Variants in RBFOX3 observed in about 807,000 individuals in gnomAD.
RBFOX3 encodes RNA binding fox-1 homolog 3, also known as RNA binding protein fox-1 homolog 3.
In RBFOX3, 17 loss-of-function variants were observed where a neutral mutation model predicts 48.7. The observed-to-expected ratio is 0.35, with a 90% CI of 0.24 to 0.52. The LOEUF (loss-of-function observed/expected upper bound fraction) is 0.52, where lower values mean the gene tolerates loss of function less well. Among genes scored for constraint, RBFOX3 ranks in the 20% least tolerant of loss-of-function variants. The pLI is 0.94. For missense variants in RBFOX3, 382 were observed against 497.5 expected (o/e 0.77, Z 2.21); for synonymous variants, 212 against 209.5 (o/e 1.01, Z -0.10).
At chr17:79,296,041 A>G (rs1432579755) in intron 3 of RBFOX3, among the ~76,000 whole-genome samples, 1 of 143,986 alleles carries the variant, frequency 6.9e-6, no homozygotes, top group Admixed American at 6.9e-5. Flanking sequence ...GGCTTGGGGG[A>G]GGGGTGTCAA....
chr17:79,159,314 C>T (rs2145223432), intron 4 of RBFOX3, among the ~76,000 whole-genome samples: 1 of 152,250 alleles, frequency 6.6e-6, no homozygotes, highest in East Asian at 1.9e-4. Flanking sequence ...CCGGGCGGTT[C>T]CTCCTCACAG....
intron 1 of RBFOX3, among the ~76,000 whole-genome samples, chr17:79,531,705 T>C (rs2087804402): frequency 6.6e-6 from 1 of 152,320 alleles, no homozygotes; most frequent in Admixed American, 6.5e-5. Context: ...AAGCCCTTTT[T>C]GGCAGCAAAC....
At chr17:79,292,942 T>C (rs1419794559) in intron 3 of RBFOX3, among the ~76,000 whole-genome samples, 1 of 152,118 alleles carries the variant, frequency 6.6e-6, no homozygotes, top group East Asian at 1.9e-4. Context: ...TTTGCTTTGG[T>C]TTTATGGGGT....
chr17:79,140,497 C>T (rs757117329), intron 4 of RBFOX3, among the ~76,000 whole-genome samples: 6 of 152,204 alleles, frequency 3.9e-5, no homozygotes, highest in Admixed American at 2.0e-4. Context: ...AGGCTGGCAC[C>T]GGCACCCACA....
At chr17:79,347,034 T>C (rs2083036939) in intron 2 of RBFOX3, among the ~76,000 whole-genome samples, 1 of 152,244 alleles carries the variant, frequency 6.6e-6, no homozygotes, top group Non-Finnish European at 1.5e-5. Flanking sequence ...TCCTTACACA[T>C]CTAGCTTCTT....
intron 3 of RBFOX3, among the ~76,000 whole-genome samples, chr17:79,291,913 G>C (rs185553840): frequency 6.6e-6 from 1 of 152,108 alleles, no homozygotes; most frequent in South Asian, 2.1e-4. Context: ...CTTCACCACG[G>C]AGCTGAACCT....
chr17:79,144,930 C>G (rs190322264), intron 4 of RBFOX3, among the ~76,000 whole-genome samples: 2 of 152,192 alleles, frequency 1.3e-5, no homozygotes, highest in African/African-American at 2.4e-5. Flanking sequence ...CACCAGGTTC[C>G]GAGTCCAAAG....
chr17:79,592,184 T>C (rs1300663891), intron 1 of RBFOX3, among the ~76,000 whole-genome samples: 2 of 149,532 alleles, frequency 1.3e-5, no homozygotes, highest in African/African-American at 5.0e-5. Context: ...TGTGGAGTAC[T>C]GTCGTCGTAT....
intron 2 of RBFOX3, among the ~76,000 whole-genome samples, chr17:79,476,413 A>G (rs1201886851): frequency 1.4e-4 from 21 of 152,376 alleles, no homozygotes; most frequent in African/African-American, 4.3e-4. Context: ...AAGCAGTTTT[A>G]TCCTTCAGCC....
intron 2 of RBFOX3, among the ~76,000 whole-genome samples, chr17:79,476,180 C>G (rs1425481442): frequency 3.9e-5 from 6 of 152,342 alleles, no homozygotes; most frequent in Admixed American, 3.9e-4. Context: ...AGCGCTGGAA[C>G]TACATCTGGA....
intron 4 of RBFOX3, among the ~76,000 whole-genome samples, chr17:79,180,724 C>T (rs1198360095): frequency 6.6e-6 from 1 of 152,148 alleles, no homozygotes; most frequent in Admixed American, 6.5e-5. Flanking sequence ...TAAAAACATA[C>T]ACCCACAAAT....
At chr17:79,649,570 A>T in the RBFOX3 span, among the ~76,000 whole-genome samples, 1 of 152,196 alleles carries the variant, frequency 6.6e-6, no homozygotes, top group Non-Finnish European at 1.5e-5. Flanking sequence ...GCCAGGCATG[A>T]TGGCGGAGGC....
chr17:79,426,515 G>A (rs1425665949), intron 2 of RBFOX3, among the ~76,000 whole-genome samples: 4 of 152,128 alleles, frequency 2.6e-5, no homozygotes, highest in African/African-American at 9.7e-5. Flanking sequence ...GATGGGGCAG[G>A]CACCTATCAT....
At chr17:79,279,251 C>T (rs2069670471) in intron 3 of RBFOX3, among the ~76,000 whole-genome samples, 2 of 152,252 alleles carry the variant, frequency 1.3e-5, no homozygotes, top group East Asian at 1.9e-4. Flanking sequence ...GTCTCTGCTT[C>T]TCTAGGTTGG....
Position 79,392,142 on chromosome 17 carries a change from G to A in RBFOX3, c.-174-84318C>T, listed in dbSNP as rs1195553497. Among the ~76,000 whole-genome samples, 2 of 152,160 alleles carry A rather than the reference G, an allele frequency of 1.3e-5. No individual in the cohort carries two copies. The highest frequency in any genetic ancestry group is 4.8e-5 in the African/African-American group (2 of 41,428). On this transcript the variant is annotated intron_variant, in intron 2 of 14. Coordinates refer to ENST00000693108, the MANE Select transcript of RBFOX3 (RefSeq NM_001350451.2). This position sits in a 1 kb window ranked among gnomAD's most constrained non-coding sequence, Gnocchi z 5.0. ...TCAGCACCTTCCTCTGTGAAATGGA[G>A]CCAACAACAGCACATCACAGAGCTA...
intron 1 of RBFOX3, among the ~76,000 whole-genome samples, chr17:79,571,510 C>T (rs2092677066): frequency 6.7e-6 from 1 of 150,190 alleles, no homozygotes; most frequent in African/African-American, 2.4e-5. Flanking sequence ...TGGGTGTCCC[C>T]ACTCCCACCC....
chr17:79,372,909 G>A (rs913928762), intron 2 of RBFOX3, among the ~76,000 whole-genome samples: 14 of 152,298 alleles, frequency 9.2e-5, no homozygotes, highest in African/African-American at 2.9e-4. Context: ...AGTCTATAAC[G>A]CAGAGCAAGA....
At chr17:79,499,320 A>G (rs1165056300) in intron 1 of RBFOX3, among the ~76,000 whole-genome samples, 1 of 151,496 alleles carries the variant, frequency 6.6e-6, no homozygotes, top group African/African-American at 2.4e-5. Flanking sequence ...TCATGCACTC[A>G]TCCATCCACG....
At chr17:79,359,386 C>A (rs1318703767) in intron 2 of RBFOX3, among the ~76,000 whole-genome samples, 6 of 152,350 alleles carry the variant, frequency 3.9e-5, no homozygotes, top group Non-Finnish European at 5.9e-5. Context: ...CATTGTTAAT[C>A]TGAAATTCAG....
Sources: gnomAD v4.1 joint callset for allele counts (sites outside exome capture counted in the v4.1 genomes callset) on GRCh38, gnomAD v4.1.1 for gene constraint, Gnocchi (gnomAD v3.1) non-coding constraint, MANE v1.5 for transcripts, NCBI Gene and HGNC (gene_info 2026-07-23, HGNC 2026-07-21) for gene names.